PLA2R1: variants seen among roughly 807,000 people sequenced by gnomAD.
PLA2R1 encodes the protein phospholipase A2 receptor 1.
In PLA2R1, 158 loss-of-function variants were observed where a neutral mutation model predicts 195.9. The observed-to-expected ratio is 0.81, with a 90% CI of 0.71 to 0.92. The LOEUF (loss-of-function observed/expected upper bound fraction) is 0.92. PLA2R1 is among the 40% of genes least tolerant of loss of function. The pLI is 0.00. For missense variants in PLA2R1, 1,626 were observed against 1,764.6 expected (o/e 0.92, Z 1.41); for synonymous variants, 586 against 598.2 (o/e 0.98, Z 0.30).
chr2:159,960,016 G>A lies in PLA2R1; in HGVS notation c.2905-3389C>T, dbSNP rs73002761. ...CTTTTTAAAATTTGGTCCTGGTCAC[G>A]TCCTTCTTTAGTTTTAAACCCATCA... is the stretch of plus-strand genomic sequence containing the variant. On this transcript the variant is annotated intron_variant, in intron 20 of 29. Transcript: ENST00000283243. Among the ~76,000 whole-genome samples the A allele has an allele frequency of 4.5e-3, 678 of 152,162 alleles. 6 individuals carry two copies. The highest frequency in any genetic ancestry group is 0.016 in the African/African-American group (649 of 41,516).
intron 10 of PLA2R1, among the ~76,000 whole-genome samples, chr2:160,008,376 T>A (rs879898260): frequency 6.6e-6 from 1 of 152,150 alleles, no homozygotes; most frequent in Non-Finnish European, 1.5e-5. Flanking sequence ...GCCAGTGGAA[T>A]AGACTAGGAA....
chr2:160,037,186 A>G (rs1224564372), intron 3 of PLA2R1, among the ~76,000 whole-genome samples: 1 of 152,212 alleles, frequency 6.6e-6, no homozygotes, highest in African/African-American at 2.4e-5. Context: ...CCTGGTCTCC[A>G]GGATTTGCCT....
intron 1 of PLA2R1, among the ~76,000 whole-genome samples, chr2:160,058,878 C>T (rs949237547): frequency 1.3e-5 from 2 of 152,172 alleles, no homozygotes; most frequent in Non-Finnish European, 2.9e-5. Context: ...GACTCAAGTG[C>T]ATTACATTTA....
At chr2:160,060,576 T>A (rs1695884885) in intron 1 of PLA2R1, among the ~76,000 whole-genome samples, 1 of 152,202 alleles carries the variant, frequency 6.6e-6, no homozygotes, top group African/African-American at 2.4e-5. Context: ...CTATGCCAAC[T>A]ATGTCAACCT....
chr2:159,987,458 T>A, intron 11 of PLA2R1, 100 bp from the exon 12 acceptor site: 1 of 787,354 alleles, frequency 1.3e-6, no homozygotes, highest in Non-Finnish European at 2.1e-6. Context: ...ATCTCATAAT[T>A]AAGCACCCAG....
intron 1 of PLA2R1, among the ~76,000 whole-genome samples, chr2:160,057,912 C>T (rs571035309): frequency 2.6e-5 from 4 of 152,266 alleles, no homozygotes; most frequent in Admixed American, 1.3e-4. Context: ...GGTGAATGCC[C>T]CAGGAGTGAC....
chr2:159,933,432 T>C lies in PLA2R1; in HGVS notation c.*8346A>G, dbSNP rs549739106. On this transcript the variant is annotated 3_prime_UTR_variant, in exon 30 of 30. Coordinates refer to ENST00000283243, the MANE Select transcript of PLA2R1 (RefSeq NM_007366.5). ...TCAAAAAATACTAAAGAAAGCTGTT[T>C]ATCTAACATTTCCTACAATTTAATA... 6.6e-6 allele frequency: 1 copy of C among 151,588 alleles called. No individual in the cohort carries two copies. The highest frequency in any genetic ancestry group is 2.4e-5 in the African/African-American group (1 of 40,826). 9.4% of individuals were successfully genotyped at this position (151,588 alleles called of 1,614,324 possible).
At chr2:159,970,720 A>C (rs536180340) in intron 17 of PLA2R1, among the ~76,000 whole-genome samples, 18 of 152,318 alleles carry the variant, frequency 1.2e-4, no homozygotes, top group Non-Finnish European at 2.2e-4. Context: ...GAGAGACACA[A>C]TATAGGACAA....
At chr2:159,959,936 A>G (rs576194513) in intron 20 of PLA2R1, among the ~76,000 whole-genome samples, 16 of 152,154 alleles carry the variant, frequency 1.1e-4, no homozygotes, top group African/African-American at 3.9e-4. Context: ...AACTGCTCTT[A>G]CCTTTCTCAC....
intron 9 of PLA2R1, 138 bp downstream of exon 9, chr2:160,016,476 G>C: frequency 3.4e-6 from 2 of 583,826 alleles, no homozygotes; most frequent in Non-Finnish European, 6.1e-6. Context: ...AAAGAAGGGG[G>C]GGGTGCGAGG....
At chr2:160,021,955 G>A (rs1693157546) in intron 7 of PLA2R1, among the ~76,000 whole-genome samples, 1 of 152,094 alleles carries the variant, frequency 6.6e-6, no homozygotes, top group African/African-American at 2.4e-5. Context: ...AGCCCACAGG[G>A]TTCTTTAATC....
At chr2:159,976,013 GGGCAAAAGAA>G (rs1420387990) in intron 17 of PLA2R1, 45 bp downstream of exon 17, 129 of 1,124,266 alleles carry the variant, frequency 1.1e-4, no homozygotes, top group Middle Eastern at 6.0e-4. Context: ...TCCCTCCCAA[GGGCAAAAGAA>G]GGTGCTAAAC....
At position 159,934,616 on chromosome 2, in the gene PLA2R1, T is replaced by C. The variant is rs1383421532; in HGVS notation, c.*7162A>G. Reference sequence around the variant, plus strand: ...TCAGAATATTATAAATAACAACATGTAAAAATAAAAGTGCCTTATCACCCT... The same window carrying C: ...TCAGAATATTATAAATAACAACATGCAAAAATAAAAGTGCCTTATCACCCT... On this transcript the variant is annotated 3_prime_UTR_variant, in exon 30 of 30. Transcript: ENST00000283243. 6.6e-6 allele frequency: 1 copy of C among 152,180 alleles called. No homozygotes were observed. The highest frequency in any genetic ancestry group is 2.4e-5 in the African/African-American group (1 of 41,452). 9.4% of individuals were successfully genotyped at this position (152,180 alleles called of 1,614,324 possible).
chr2:159,950,331 G>C lies in PLA2R1; in HGVS notation c.3541-555C>G, dbSNP rs1574651771. Among the ~76,000 whole-genome samples the C allele has an allele frequency of 2.0e-5, 3 of 152,298 alleles. No homozygotes were observed. In the East Asian group the frequency reaches 5.8e-4, roughly 29 times the overall value. ...TGTTGACAAGGATGTGAAAAAACTA[G>C]ACATTATCACATACTGTTGTTGGCA... On this transcript the variant is annotated intron_variant, in intron 24 of 29. Coordinates refer to ENST00000283243, the MANE Select transcript of PLA2R1 (RefSeq NM_007366.5).
chr2:159,982,525 T>A (rs565709857), intron 13 of PLA2R1, among the ~76,000 whole-genome samples: 19 of 152,358 alleles, frequency 1.2e-4, no homozygotes, highest in African/African-American at 4.1e-4. Context: ...ACGATGCTAA[T>A]GTACATGGCA....
chr2:159,971,534 G>C (rs1191239604), intron 17 of PLA2R1, among the ~76,000 whole-genome samples: 1 of 151,954 alleles, frequency 6.6e-6, no homozygotes, highest in Admixed American at 6.6e-5. Flanking sequence ...TTATGACCCA[G>C]GAAATTGAAA....
At chr2:159,929,514 G>T (rs1228061253), downstream of PLA2R1, among the ~76,000 whole-genome samples, 1 of 152,106 alleles carries the variant, frequency 6.6e-6, no homozygotes, top group Non-Finnish European at 1.5e-5. Context: ...ATGTTGGTGT[G>T]GATGTGGTGA....
intron 1 of PLA2R1, among the ~76,000 whole-genome samples, chr2:160,054,068 A>G (rs570690033): frequency 6.5e-4 from 99 of 152,322 alleles, no homozygotes; most frequent in African/African-American, 2.2e-3. Context: ...ACTACCGAGC[A>G]CTTCTTTCAG....
rs1215689470 is a variant in PLA2R1 at position 159,939,657 on chromosome 2, T to C, written c.*2121A>G. 6.6e-6 allele frequency: 1 copy of C among 152,212 alleles called. No homozygotes were observed. The highest frequency in any genetic ancestry group is 1.9e-4 in the East Asian group (1 of 5,204). The allele number at this position is 152,212 out of a possible 1,614,324, so 9.4% of individuals were successfully genotyped here. A position where few individuals can be genotyped will look rare whatever the true frequency, so the allele number is the denominator to read the frequency against. ...CAGATTATCTGGAGATGTTGTTCAA[T>C]ACTAAACATCAAAGTATGGAGCACT... On this transcript the variant is annotated 3_prime_UTR_variant, in exon 30 of 30. Coordinates refer to ENST00000283243, the MANE Select transcript of PLA2R1 (RefSeq NM_007366.5).
Sources: gnomAD v4.1 joint callset for allele counts (sites outside exome capture counted in the v4.1 genomes callset) on GRCh38, gnomAD v4.1.1 for gene constraint, MANE v1.5 for transcripts, NCBI Gene and HGNC (gene_info 2026-07-23, HGNC 2026-07-21) for gene names.